EDIL3: variants seen among roughly 807,000 people sequenced by gnomAD.
EDIL3 encodes the protein EGF-like repeat and discoidin I-like domain-containing protein 3.
EDIL3 carries 37 observed loss-of-function variants against 67.4 expected under a neutral mutation model. The observed-to-expected ratio is 0.55, with a 90% CI of 0.42 to 0.72. EDIL3 has a LOEUF of 0.72. Ranked by LOEUF, EDIL3 falls within the 30% of genes least tolerant of loss-of-function variation. EDIL3 has a pLI of 0.00. For synonymous variants in EDIL3, 195 were observed against 196.3 expected, an observed-to-expected ratio of 0.99 and a Z score of 0.05; for missense variants, 527 against 586.3, an observed-to-expected ratio of 0.90 and a Z score of 1.04.
intron 9 of EDIL3, among the ~76,000 whole-genome samples, chr5:84,003,736 C>A (rs1346261004): frequency 1.3e-5 from 2 of 152,180 alleles, no homozygotes; most frequent in South Asian, 4.1e-4. Flanking sequence ...GGTACATAGA[C>A]CATTGACACT....
chr5:84,228,237 G>T (rs1303526881), intron 3 of EDIL3, among the ~76,000 whole-genome samples: 2 of 151,986 alleles, frequency 1.3e-5, no homozygotes, highest in Non-Finnish European at 2.9e-5. Flanking sequence ...AGAACTAAGA[G>T]ACTAGGGGTA....
chr5:84,371,341 A>ATG lies in EDIL3; in HGVS notation c.67+12965_67+12966dup, dbSNP rs1554044710. 5.0e-3 allele frequency among the ~76,000 whole-genome samples: 644 copies of ATG among 129,640 alleles called. 12 individuals carry two copies. Among genetic ancestry groups the ATG allele is most frequent in the African/African-American group, 0.014 (509 of 36,624 alleles). The allele number at this position is 129,640 out of a possible 152,430, so 85.0% of individuals were successfully genotyped here. On this transcript the variant is annotated intron_variant, in intron 1 of 10. Coordinates refer to ENST00000296591, the MANE Select transcript of EDIL3 (RefSeq NM_005711.5). ...AAAGTATATATATATATATATATAT[A>ATG]TGTGTGTGTGTATATATATGTGTGT...
chr5:84,322,287 T>A (rs184509615), intron 1 of EDIL3, among the ~76,000 whole-genome samples: 1 of 151,732 alleles, frequency 6.6e-6, no homozygotes, highest in Non-Finnish European at 1.5e-5. Context: ...CTAAGACAAC[T>A]GCCTCAAAGA....
At chr5:84,129,127 AT>A (rs1747917370) in intron 5 of EDIL3, among the ~76,000 whole-genome samples, 1 of 152,190 alleles carries the variant, frequency 6.6e-6, no homozygotes. Context: ...GTTGTGTAAC[AT>A]TTGGAAAATC....
At chr5:83,996,517 C>T (rs1401711263) in intron 9 of EDIL3, among the ~76,000 whole-genome samples, 2 of 152,144 alleles carry the variant, frequency 1.3e-5, no homozygotes, top group Non-Finnish European at 2.9e-5. Context: ...GACATAGCAA[C>T]AGTGACAGTA....
chr5:84,009,468 A>G (rs779688079), intron 9 of EDIL3, among the ~76,000 whole-genome samples: 4 of 152,176 alleles, frequency 2.6e-5, no homozygotes, highest in Non-Finnish European at 5.9e-5. Flanking sequence ...GTTTTGAATA[A>G]CAAATATGTT....
intron 5 of EDIL3, among the ~76,000 whole-genome samples, chr5:84,118,889 A>G (rs1747721404): frequency 6.6e-6 from 1 of 152,142 alleles, no homozygotes; most frequent in Non-Finnish European, 1.5e-5. Context: ...AGACATATAT[A>G]TTTTTAAAGT....
chr5:84,252,896 T>C (rs112125715), intron 2 of EDIL3, among the ~76,000 whole-genome samples: 2 of 152,160 alleles, frequency 1.3e-5, no homozygotes, highest in African/African-American at 4.8e-5. Context: ...AAGAGAATTA[T>C]CTTTGAAGAT....
In EDIL3 at chr5:84,314,410, G is replaced by C. The variant is rs59464446; in HGVS notation, c.68-60198C>G. On this transcript the variant is annotated intron_variant, in intron 1 of 10. Transcript: ENST00000296591. ...TCTGCTTTATCTTCATGCCCAATTT[G>C]CTTTATTCCTTTTCCTTTCTAATTT... Among the ~76,000 whole-genome samples the C allele has an allele frequency of 4.6e-3, 702 of 152,202 alleles. 4 individuals carry two copies. Among genetic ancestry groups the C allele is most frequent in the African/African-American group, 0.016 (670 of 41,514 alleles).
intron 3 of EDIL3, among the ~76,000 whole-genome samples, chr5:84,211,000 C>A (rs531588622): frequency 6.6e-6 from 1 of 152,148 alleles, no homozygotes; most frequent in Non-Finnish European, 1.5e-5. Context: ...TCCGCCACCC[C>A]GCCCCCCAAC....
chr5:84,161,563 G>A (rs186013926), intron 4 of EDIL3, among the ~76,000 whole-genome samples: 1 of 151,974 alleles, frequency 6.6e-6, no homozygotes, highest in East Asian at 1.9e-4. Flanking sequence ...TCTTGAGGAA[G>A]CTGCCATTGT....
At chr5:84,103,528 C>A (rs1368856441) in intron 6 of EDIL3, among the ~76,000 whole-genome samples, 2 of 146,778 alleles carry the variant, frequency 1.4e-5, no homozygotes. Context: ...AGAAAAAAAA[C>A]AAACAACTTC....
At chr5:84,041,280 A>C (rs1746115006) in intron 9 of EDIL3, among the ~76,000 whole-genome samples, 1 of 152,066 alleles carries the variant, frequency 6.6e-6, no homozygotes, top group African/African-American at 2.4e-5. Context: ...TTCTATGCCC[A>C]ACACAGACCT....
At chr5:84,325,243 T>C (rs1746734659) in intron 1 of EDIL3, among the ~76,000 whole-genome samples, 1 of 151,816 alleles carries the variant, frequency 6.6e-6, no homozygotes, top group Non-Finnish European at 1.5e-5. Flanking sequence ...GGAATTAACA[T>C]CCAGAATGTA....
intron 4 of EDIL3, among the ~76,000 whole-genome samples, chr5:84,168,854 C>G (rs1250362516): frequency 2.6e-5 from 4 of 152,126 alleles, no homozygotes; most frequent in Admixed American, 1.3e-4. Flanking sequence ...TCATTTACTC[C>G]CTTGCTGTCC....
chr5:84,020,943 C>CAG (rs1249595636), intron 9 of EDIL3, among the ~76,000 whole-genome samples: 1 of 151,836 alleles, frequency 6.6e-6, no homozygotes, highest in Non-Finnish European at 1.5e-5. Context: ...AAAAGTAAGT[C>CAG]AGAGAGAGAG....
At chr5:84,177,096 C>T (rs1748931040) in intron 4 of EDIL3, among the ~76,000 whole-genome samples, 1 of 151,934 alleles carries the variant, frequency 6.6e-6, no homozygotes, top group Non-Finnish European at 1.5e-5. Context: ...GGTATTTGCC[C>T]AAATGAGCTG....
At chr5:83,988,383 T>A (rs1745092349) in intron 9 of EDIL3, among the ~76,000 whole-genome samples, 1 of 152,184 alleles carries the variant, frequency 6.6e-6, no homozygotes, top group Non-Finnish European at 1.5e-5. Flanking sequence ...TCATTTGAAA[T>A]TTTAAAAATA....
intron 9 of EDIL3, among the ~76,000 whole-genome samples, chr5:84,030,889 T>C (rs991165632): frequency 6.6e-6 from 1 of 152,110 alleles, no homozygotes. Context: ...AGGGCTGCCA[T>C]AACAAAGTGC....
Sources: gnomAD v4.1 joint callset for allele counts (sites outside exome capture counted in the v4.1 genomes callset) on GRCh38, gnomAD v4.1.1 for gene constraint, MANE v1.5 for transcripts, NCBI Gene and HGNC (gene_info 2026-07-23, HGNC 2026-07-21) for gene names.